ATP2B4: variants seen among roughly 807,000 people sequenced by gnomAD.
ATP2B4 encodes the protein plasma membrane calcium-transporting ATPase 4.
Under a neutral mutation model 110.3 loss-of-function variants are expected in ATP2B4, and 39 were observed. The observed-to-expected ratio is 0.35, with a 90% CI of 0.27 to 0.46. ATP2B4 has a LOEUF of 0.46. Among genes scored for constraint, ATP2B4 ranks in the 20% least tolerant of loss-of-function variants. The probability of loss-of-function intolerance (pLI) is 1.00; values close to 1 mark genes in which losing one functional copy is unlikely to be tolerated. For missense variants in ATP2B4, 1,135 were observed against 1,530.9 expected, an observed-to-expected ratio of 0.74 and a Z score of 4.32; for synonymous variants, 538 against 571.7, an observed-to-expected ratio of 0.94 and a Z score of 0.84.
intron 9 of ATP2B4, among the ~76,000 whole-genome samples, chr1:203,707,632 T>C (rs1020930803): frequency 6.6e-6 from 1 of 152,148 alleles, no homozygotes; most frequent in Non-Finnish European, 1.5e-5. Flanking sequence ...GGTTTCACCA[T>C]GTTGGCCAGG....
At chr1:203,637,247 C>T (rs1339812862) in intron 1 of ATP2B4, among the ~76,000 whole-genome samples, 6 of 151,994 alleles carry the variant, frequency 3.9e-5, no homozygotes, top group Non-Finnish European at 7.4e-5. Flanking sequence ...CTGGCTAACA[C>T]GGTGAAGCCC....
intron 15 of ATP2B4, 89 bp from the exon 16 acceptor site, chr1:203,720,460 A>C (rs1389616432): frequency 7.6e-7 from 1 of 1,318,114 alleles, no homozygotes; most frequent in Non-Finnish European, 1.0e-6. Flanking sequence ...TGTAGTATTT[A>C]CACTGACTTC....
intron 12 of ATP2B4, 88 bp from the exon 13 acceptor site, chr1:203,711,872 G>C (rs1204202721): frequency 2.0e-6 from 3 of 1,480,134 alleles, no homozygotes; most frequent in East Asian, 2.3e-5. Flanking sequence ...CCTTTCTCCT[G>C]TCTGCCACAA....
At chr1:203,666,002 ATTGTTAC>A (rs1368264216) in intron 1 of ATP2B4, among the ~76,000 whole-genome samples, 1 of 152,200 alleles carries the variant, frequency 6.6e-6, no homozygotes, top group Admixed American at 6.5e-5. Context: ...ACTGGCTAGT[ATTGTTAC>A]TGGTGATAAA....
chr1:203,725,184 G>C lies in ATP2B4; in HGVS notation c.3132+1196G>C, dbSNP rs1306482875. Among the ~76,000 whole-genome samples, 8 of 150,648 alleles carry C rather than the reference G, an allele frequency of 5.3e-5. No homozygotes were observed. In the East Asian group the frequency reaches 1.6e-3, roughly 30 times the overall value. On this transcript the variant is annotated intron_variant, in intron 19 of 20. Coordinates refer to ENST00000357681, the MANE Select transcript of ATP2B4 (RefSeq NM_001684.5). ...AGCCACCGCACCTGGCCCAGCTCTT[G>C]TTGCCCAGGCTGGAGTGCAATGGTG...
chr1:203,708,121 C>A lies in ATP2B4; in HGVS notation c.1557+17C>A, dbSNP rs750558624. The stretch of plus-strand genomic sequence containing the variant: ...AAGATTCTGGTAAGCATTTCCTTTG[C>A]GTAGACACTTAGAGTGGGTGGTTGG... On this transcript the variant is annotated intron_variant, in intron 10 of 20. Transcript: ENST00000357681. 1.9e-6 allele frequency: 3 copies of A among 1,613,854 alleles called. No individual in the cohort carries two copies. Among genetic ancestry groups the A allele is most frequent in the Non-Finnish European group, 1.7e-6 (2 of 1,179,756 alleles).
At chr1:203,729,586 C>T in intron 20 of ATP2B4, 1 of 511,464 alleles carries the variant, frequency 2.0e-6, no homozygotes, top group South Asian at 1.5e-5. Flanking sequence ...GGATTGCAGA[C>T]TCACTATGCA....
intron 1 of ATP2B4, among the ~76,000 whole-genome samples, chr1:203,647,667 G>A (rs928840505): frequency 3.9e-5 from 6 of 152,116 alleles, no homozygotes; most frequent in Non-Finnish European, 5.9e-5. Flanking sequence ...GCTGAGGTGG[G>A]AGGCTTGCTT....
chr1:203,686,711 T>TTTA (rs1337372344), intron 2 of ATP2B4, among the ~76,000 whole-genome samples: 1 of 136,680 alleles, frequency 7.3e-6, no homozygotes, highest in Non-Finnish European at 1.6e-5. Flanking sequence ...TTTTTTTTTT[T>TTTA]AGAAGGAGTT....
chr1:203,737,008 G>T (rs1018569301), intron 20 of ATP2B4, among the ~76,000 whole-genome samples: 5 of 152,146 alleles, frequency 3.3e-5, no homozygotes, highest in South Asian at 2.1e-4. Context: ...TTTCCCTTTA[G>T]ATTCCAGAAG....
At chr1:203,657,364 C>T in intron 1 of ATP2B4, 1 of 746,214 alleles carries the variant, frequency 1.3e-6, no homozygotes, top group Non-Finnish European at 2.5e-6. Flanking sequence ...TCTGTTTCTC[C>T]CTGGGCATGT....
intron 1 of ATP2B4, among the ~76,000 whole-genome samples, chr1:203,673,522 T>C (rs532967694): frequency 6.6e-6 from 1 of 152,324 alleles, no homozygotes; most frequent in South Asian, 2.1e-4. Flanking sequence ...CATGGAGCCC[T>C]CGCTGATTTG....
intron 1 of ATP2B4, among the ~76,000 whole-genome samples, chr1:203,671,169 C>T (rs1194821078): frequency 1.3e-5 from 2 of 152,158 alleles, no homozygotes; most frequent in Non-Finnish European, 1.5e-5. Context: ...GTGACTCTTT[C>T]TCTTACTCAC....
At position 203,702,065 on chromosome 1, in the gene ATP2B4, A is replaced by G; in HGVS notation, c.923A>G (p.Glu308Gly). The G allele has an allele frequency of 6.2e-7, 1 of 1,614,066 alleles. No homozygotes were observed. The highest frequency in any genetic ancestry group is 8.5e-7 in the Non-Finnish European group (1 of 1,179,988). ...ACAGGTAAAAAACAAGGAGTCCCTG[A>G]AAATCGCAACAAAGGTAACCTCTCC... ...KKKGKKQGVP[E>G]NRNKAKTQDG... Residue 308 changes from glutamate (E) to glycine (G), a missense_variant, in exon 7 of 21, where the codon GAA (glutamate) becomes GGA (glycine). Coordinates refer to ENST00000357681, the MANE Select transcript of ATP2B4 (RefSeq NM_001684.5).
intron 2 of ATP2B4, among the ~76,000 whole-genome samples, chr1:203,685,329 G>A (rs757620337): frequency 1.3e-5 from 2 of 152,234 alleles, no homozygotes; most frequent in Non-Finnish European, 2.9e-5. Flanking sequence ...CATCTCTGTA[G>A]CAGATTCTTA....
chr1:203,730,880 G>A (rs1358905123), intron 20 of ATP2B4, among the ~76,000 whole-genome samples: 1 of 152,214 alleles, frequency 6.6e-6, no homozygotes, highest in South Asian at 2.1e-4. Context: ...AGCTGATGAG[G>A]CTAATGATGC....
In ATP2B4 at chr1:203,638,128, G is replaced by A. The variant is rs71643030; in HGVS notation, c.-465+10909G>A. ...AGGACAGATTTGATGGAGGAGGGGA[G>A]GGGAGATGGGGAGGAAGGGGTGTGC... On this transcript the variant is annotated intron_variant, in intron 1 of 20. Transcript: ENST00000357681. Among the ~76,000 whole-genome samples, 474 of 152,222 alleles carry A rather than the reference G, an allele frequency of 3.1e-3. 5 individuals are homozygous for A. Among genetic ancestry groups the A allele is most frequent in the Non-Finnish European group, 5.3e-3 (358 of 67,998 alleles).
chr1:203,660,597 C>T (rs1266644872), intron 1 of ATP2B4, among the ~76,000 whole-genome samples: 1 of 151,800 alleles, frequency 6.6e-6, no homozygotes, highest in African/African-American at 2.4e-5. Context: ...GTCAAGAGAT[C>T]GAGACCAGCC....
At chr1:203,701,927 C>G (rs575807808) in intron 6 of ATP2B4, 117 bp from the exon 7 acceptor site, 3 of 1,000,696 alleles carry the variant, frequency 3.0e-6, no homozygotes, top group East Asian at 5.1e-5. Flanking sequence ...ATGTCCCTTC[C>G]CTGCAACCCA....
Sources: allele counts gnomAD v4.1 joint callset (sites outside exome capture counted in the v4.1 genomes callset), GRCh38; gene constraint gnomAD v4.1.1; transcripts MANE v1.5; gene names NCBI Gene and HGNC (gene_info 2026-07-23, HGNC 2026-07-21).